Variants in KCND3 observed in about 807,000 individuals in gnomAD.
KCND3 encodes potassium voltage-gated channel subfamily D member 3.
In KCND3, 9 loss-of-function variants were observed where a neutral mutation model predicts 51.1. That is an observed-to-expected ratio of 0.18 (90% CI 0.11 to 0.31). The LOEUF (loss-of-function observed/expected upper bound fraction) is 0.31. KCND3 is among the 10% of genes least tolerant of loss of function. KCND3 has a pLI of 1.00. For synonymous variants in KCND3, 349 were observed against 368.0 expected, an observed-to-expected ratio of 0.95 and a Z score of 0.59; for missense variants, 526 against 903.8, an observed-to-expected ratio of 0.58 and a Z score of 5.36.
In KCND3 at chr1:111,822,526, G is replaced by C. The variant is rs563297431; in HGVS notation, c.1107-35420C>G. Among the ~76,000 whole-genome samples, 262 of 152,280 alleles carry C rather than the reference G, an allele frequency of 1.7e-3. 3 individuals are homozygous for C. The highest frequency in any genetic ancestry group is 6.0e-3 in the African/African-American group (249 of 41,560). On this transcript the variant is annotated intron_variant, in intron 2 of 7. Transcript: ENST00000302127. ...GTCTTCAAGGTTCATCTATGTTGTA[G>C]CATGTGTCAGAATTTCCTTCCTTTT...
intron 2 of KCND3, among the ~76,000 whole-genome samples, chr1:111,794,583 A>T (rs1354977007): frequency 6.6e-6 from 1 of 152,150 alleles, no homozygotes; most frequent in Non-Finnish European, 1.5e-5. Context: ...GGGGATGGGG[A>T]TGGGGCACAG....
chr1:111,778,274 G>A (rs1664217794), intron 6 of KCND3, among the ~76,000 whole-genome samples, 162 bp downstream of exon 6: 1 of 152,192 alleles, frequency 6.6e-6, no homozygotes, highest in Non-Finnish European at 1.5e-5. Context: ...GCAAGAAACT[G>A]GAAGCCTGAG....
chr1:111,833,852 A>C (rs35512776), intron 2 of KCND3, among the ~76,000 whole-genome samples: 4,759 of 152,312 alleles, frequency 0.031, 183 homozygotes, highest in African/African-American at 0.092. Flanking sequence ...TAATCTGATC[A>C]AAGAAACTGA....
intron 2 of KCND3, among the ~76,000 whole-genome samples, chr1:111,939,496 C>A (rs951174889): frequency 2.0e-5 from 3 of 151,826 alleles, no homozygotes; most frequent in Non-Finnish European, 4.4e-5. Context: ...TTTCTGTTCC[C>A]GTGTTTGCTG....
Position 111,887,745 on chromosome 1 carries a change from G to A in KCND3, c.1106+93876C>T, listed in dbSNP as rs187495396. On this transcript the variant is annotated intron_variant, in intron 2 of 7. Coordinates refer to ENST00000302127, the MANE Select transcript of KCND3 (RefSeq NM_001378969.1). ...CTGGCTGGAAAAGAGAAAGACCTGC[G>A]GCACTTAAATATGAGAGGGAATCAC... 4.3e-3 allele frequency among the ~76,000 whole-genome samples: 661 copies of A among 152,230 alleles called. 9 individuals carry two copies. The highest frequency in any genetic ancestry group is 0.01 in the Middle Eastern group (3 of 294).
chr1:111,796,650 A>G (rs2101531989), intron 2 of KCND3, among the ~76,000 whole-genome samples: 1 of 152,362 alleles, frequency 6.6e-6, no homozygotes, highest in South Asian at 2.1e-4. Flanking sequence ...GGAGAGGATC[A>G]GGAAAAATAA....
chr1:111,960,454 T>C (rs373342906), intron 2 of KCND3, among the ~76,000 whole-genome samples: 1 of 152,206 alleles, frequency 6.6e-6, no homozygotes. Context: ...TGGGGAACTA[T>C]ATGAGCTAAA....
intron 2 of KCND3, among the ~76,000 whole-genome samples, chr1:111,872,745 G>A (rs945740502): frequency 2.3e-4 from 35 of 152,256 alleles, no homozygotes; most frequent in African/African-American, 7.7e-4. Flanking sequence ...AAAAGAGGCC[G>A]TGAGAGAGAA....
intron 2 of KCND3, among the ~76,000 whole-genome samples, chr1:111,980,624 G>A (rs1674898262): frequency 6.6e-6 from 1 of 152,184 alleles, no homozygotes. Flanking sequence ...TATATGAATT[G>A]TGGAGGGATT....
At chr1:111,946,842 C>T (rs1483565674) in intron 2 of KCND3, among the ~76,000 whole-genome samples, 1 of 152,176 alleles carries the variant, frequency 6.6e-6, no homozygotes, top group Non-Finnish European at 1.5e-5. Flanking sequence ...GTGAATCTGC[C>T]AATCAATAAC....
At chr1:111,969,571 C>G (rs1396150536) in intron 2 of KCND3, among the ~76,000 whole-genome samples, 1 of 152,150 alleles carries the variant, frequency 6.6e-6, no homozygotes, top group African/African-American at 2.4e-5. Context: ...TAATACTGCT[C>G]TCATATGGTT....
intron 2 of KCND3, among the ~76,000 whole-genome samples, chr1:111,805,055 C>A (rs2618036): frequency 0.81 from 123,704 of 152,194 alleles, 50,450 homozygotes; most frequent in East Asian, 0.96. Context: ...GGGTGGATCA[C>A]ATAAAGGGCA....
At chr1:111,908,815 A>G (rs1209271262) in intron 2 of KCND3, among the ~76,000 whole-genome samples, 1 of 151,864 alleles carries the variant, frequency 6.6e-6, no homozygotes, top group Non-Finnish European at 1.5e-5. Flanking sequence ...AGGTCTTGCT[A>G]TTGGGGAGAC....
At position 111,795,867 on chromosome 1, in the gene KCND3, A is replaced by G. The variant is rs575995043; in HGVS notation, c.1107-8761T>C. ...GCATCTATTATTTTCTGACTTTTTAATAATAGCCATTCTAACTGGTGTGAG... is the reference window on the plus strand; with the variant it reads ...GCATCTATTATTTTCTGACTTTTTAGTAATAGCCATTCTAACTGGTGTGAG... On this transcript the variant is annotated intron_variant, in intron 2 of 7. Coordinates refer to ENST00000302127, the MANE Select transcript of KCND3 (RefSeq NM_001378969.1). Among the ~76,000 whole-genome samples, 43 of 152,308 alleles carry G rather than the reference A, an allele frequency of 2.8e-4. 2 individuals carry two copies. The South Asian group carries it at 8.7e-3, about 31-fold the overall frequency.
chr1:111,890,016 G>A (rs1453518386), intron 2 of KCND3, among the ~76,000 whole-genome samples: 6 of 152,148 alleles, frequency 3.9e-5, no homozygotes, highest in African/African-American at 1.4e-4. Flanking sequence ...GGGACTAGGA[G>A]CAAGAGTCGC....
intron 2 of KCND3, among the ~76,000 whole-genome samples, chr1:111,966,873 G>C (rs1674017738): frequency 6.6e-6 from 1 of 152,180 alleles, no homozygotes; most frequent in Non-Finnish European, 1.5e-5. Context: ...GGGCATGGTT[G>C]CTCATGCCTG....
At chr1:111,791,294 A>G (rs1664812917) in intron 2 of KCND3, among the ~76,000 whole-genome samples, 1 of 152,226 alleles carries the variant, frequency 6.6e-6, no homozygotes, top group Admixed American at 6.5e-5. Flanking sequence ...GATGTTGAAC[A>G]TCTTTTCCCC....
chr1:111,791,307 C>A (rs1369368534), intron 2 of KCND3, among the ~76,000 whole-genome samples: 1 of 152,160 alleles, frequency 6.6e-6, no homozygotes, highest in Non-Finnish European at 1.5e-5. Context: ...TTTTCCCCTT[C>A]CTTGGACTTT....
chr1:111,903,072 T>C (rs560135286), intron 2 of KCND3, among the ~76,000 whole-genome samples: 1 of 152,282 alleles, frequency 6.6e-6, no homozygotes, highest in South Asian at 2.1e-4. Context: ...TTTCATCCAA[T>C]ATGCTTTGGG....
Sources: gnomAD v4.1 joint callset for allele counts (sites outside exome capture counted in the v4.1 genomes callset) on GRCh38, gnomAD v4.1.1 for gene constraint, MANE v1.5 for transcripts, NCBI Gene and HGNC (gene_info 2026-07-23, HGNC 2026-07-21) for gene names.